LOXHD1: variants seen among roughly 807,000 people sequenced by gnomAD.
The protein encoded by LOXHD1 is lipoxygenase homology PLAT domains 1, also known as lipoxygenase homology domain-containing protein 1.
In LOXHD1, 205 loss-of-function variants were observed where a neutral mutation model predicts 248.2. That is an observed-to-expected ratio of 0.83 (90% confidence interval 0.74 to 0.93). The LOEUF (loss-of-function observed/expected upper bound fraction) is 0.93, where lower values mean the gene tolerates loss of function less well. Among genes scored for constraint, LOXHD1 ranks in the 40% least tolerant of loss-of-function variants. The probability of loss-of-function intolerance (pLI) is 0.00; values close to 1 mark genes in which losing one functional copy is unlikely to be tolerated. For synonymous variants in LOXHD1, 1,113 were observed against 1,162.8 expected (o/e 0.96, Z 0.87); for missense variants, 2,930 against 2,971.6 (o/e 0.99, Z 0.33).
At chr18:46,602,705 G>T (rs548415599) in intron 7 of LOXHD1, among the ~76,000 whole-genome samples, 3 of 151,686 alleles carry the variant, frequency 2.0e-5, no homozygotes, top group Non-Finnish European at 4.4e-5. Context: ...ATTTTCTTTT[G>T]TTCAGCATTT....
intron 5 of LOXHD1, among the ~76,000 whole-genome samples, chr18:46,617,866 T>C (rs2038611225): frequency 6.6e-6 from 1 of 152,130 alleles, no homozygotes; most frequent in African/African-American, 2.4e-5. Context: ...GCATGAAGCT[T>C]AGGAAGATAG....
intron 34 of LOXHD1, among the ~76,000 whole-genome samples, chr18:46,510,129 T>A (rs2034868794): frequency 6.6e-6 from 1 of 152,208 alleles, no homozygotes; most frequent in African/African-American, 2.4e-5. Context: ...TTACCTGTGG[T>A]CTGGAGAATA....
intron 5 of LOXHD1, among the ~76,000 whole-genome samples, chr18:46,612,550 C>T (rs1378056793): frequency 1.3e-5 from 2 of 152,026 alleles, no homozygotes; most frequent in Admixed American, 1.3e-4. Context: ...ATCTTTTATT[C>T]CATTTTTCTC....
chr18:46,522,695 G>A (rs35303291), intron 31 of LOXHD1, among the ~76,000 whole-genome samples: 21,752 of 152,192 alleles, frequency 0.14, 1,693 homozygotes, highest in South Asian at 0.23. Context: ...CAAAAATGCT[G>A]TTGGCAAAAG....
At chr18:46,623,144 C>A (rs150491937) in intron 4 of LOXHD1, among the ~76,000 whole-genome samples, 10 of 152,274 alleles carry the variant, frequency 6.6e-5, no homozygotes, top group African/African-American at 2.4e-4. Context: ...TATATGGAAC[C>A]TTTGTGCAAA....
At chr18:46,545,818 A>G (rs1221364661) in intron 22 of LOXHD1, among the ~76,000 whole-genome samples, 2 of 149,826 alleles carry the variant, frequency 1.3e-5, no homozygotes, top group African/African-American at 2.5e-5. Flanking sequence ...TTTAGTAGAG[A>G]CGGGGTTTCA....
At position 46,601,203 on chromosome 18, in the gene LOXHD1, G is replaced by C. The variant is rs2038331225; in HGVS notation, c.1134+14C>G. The stretch of plus-strand genomic sequence containing the variant: ...GTTGAATCAGGGAAGGCTGTCTCTG[G>C]GGGCATCCCTTACCTTCTCACAGAA... On this transcript the variant is annotated intron_variant, in intron 8 of 40. Transcript: ENST00000642948. 1 of 1,547,240 alleles carries C rather than the reference G, an allele frequency of 6.5e-7. No individual in the cohort carries two copies. The highest frequency in any genetic ancestry group is 2.5e-5 in the East Asian group (1 of 40,804).
At chr18:46,518,430 T>C (rs2035385440) in intron 33 of LOXHD1, among the ~76,000 whole-genome samples, 174 bp from the exon 34 acceptor site, 1 of 152,232 alleles carries the variant, frequency 6.6e-6, no homozygotes, top group Non-Finnish European at 1.5e-5. Flanking sequence ...CTTGTCACTC[T>C]CTTATATACC....
rs2034794238 is a variant in LOXHD1 at position 46,509,252 on chromosome 18, A to G, written c.5517+446T>C. Among the ~76,000 whole-genome samples the G allele has an allele frequency of 2.0e-5, 3 of 152,136 alleles. No individual in the cohort carries two copies. The South Asian group carries it at 6.2e-4, about 32-fold the overall frequency. ...GGTGCTGACGGCCAAGCTCAGACTC[A>G]GAGGCCCACAATGGAAAAAGAAGCA... On this transcript the variant is annotated intron_variant, in intron 35 of 40. Transcript: ENST00000642948.
At chr18:46,610,237 C>G (rs1006272160) in intron 6 of LOXHD1, among the ~76,000 whole-genome samples, 2 of 152,074 alleles carry the variant, frequency 1.3e-5, no homozygotes, top group Non-Finnish European at 2.9e-5. Context: ...AGGATGAGTT[C>G]ATGTCTTTTG....
intron 36 of LOXHD1, among the ~76,000 whole-genome samples, chr18:46,506,344 C>A (rs1260327978): frequency 6.6e-6 from 1 of 152,174 alleles, no homozygotes; most frequent in Admixed American, 6.5e-5. Flanking sequence ...TATAGGCTGG[C>A]TTTACAGTTT....
Position 46,483,696 on chromosome 18 carries a change from C to T in LOXHD1, c.6232G>A (p.Ala2078Thr). The T allele has an allele frequency of 1.3e-6, 2 of 1,551,716 alleles. No individual in the cohort carries two copies. Among genetic ancestry groups the T allele is most frequent in the Non-Finnish European group, 1.7e-6 (2 of 1,147,006 alleles). Residue 2078 changes from alanine (A) to threonine (T), a missense_variant, in exon 40 of 41, where the codon GCC becomes ACC. Ala to Thr is a moderately conservative substitution (Grantham distance 58, BLOSUM62 0). Coordinates refer to ENST00000642948, the MANE Select transcript of LOXHD1 (RefSeq NM_001384474.1). ...EFDSIYLGDIASLCVGHLARE... is the reference protein window; with the variant it reads ...EFDSIYLGDITSLCVGHLARE... ...GCAAGGTGGCCCACACAGAGGGAGGCAATGTCCCCCAAGTAGATGCTGTCA... is the reference window on the plus strand; with the variant it reads ...GCAAGGTGGCCCACACAGAGGGAGGTAATGTCCCCCAAGTAGATGCTGTCA...
rs1330912563 is a variant in LOXHD1 at position 46,547,080 on chromosome 18, G to GAT, written c.3351-24_3351-23dup. The GAT allele has an allele frequency of 3.9e-6, 6 of 1,551,672 alleles. No individual in the cohort carries two copies. The South Asian group carries it at 4.8e-5, about 12-fold the overall frequency. ...GTACCTGTGGGGGTGGATAGGGAAA[G>GAT]ATTGGAATGTCCTCTTAGAAAGGTC... On this transcript the variant is annotated intron_variant, in intron 21 of 40. Coordinates refer to ENST00000642948, the MANE Select transcript of LOXHD1 (RefSeq NM_001384474.1).
Position 46,522,192 on chromosome 18 carries a change from T to C in LOXHD1, c.4994A>G (p.Asp1665Gly), listed in dbSNP as rs2035611285. The part of the protein sequence containing the change: ...DDERSKRIWL[D>G]YPRGKRGFSR... ...GAAGCCCCTCTTCCCTCGGGGGTAG[T>C]CCAACCAGATGCGCTTACTACGTTC... The change falls in exon 32 of 41, where the codon GAC becomes GGC. Residue 1665 changes from aspartate to glycine, a missense_variant. By Grantham distance (94) the Asp-to-Gly change is moderately conservative. Coordinates refer to ENST00000642948, the MANE Select transcript of LOXHD1 (RefSeq NM_001384474.1). The C allele has an allele frequency of 1.7e-5, 27 of 1,551,692 alleles. No homozygotes were observed. Among genetic ancestry groups the C allele is most frequent in the Non-Finnish European group, 2.4e-5 (27 of 1,146,992 alleles).
chr18:46,622,968 C>T (rs1336633885), intron 4 of LOXHD1, among the ~76,000 whole-genome samples: 1 of 152,162 alleles, frequency 6.6e-6, no homozygotes, highest in African/African-American at 2.4e-5. Context: ...CACCCCTGTT[C>T]CTGATCAAGC....
chr18:46,576,549 C>A (rs1284132373), intron 14 of LOXHD1, among the ~76,000 whole-genome samples: 1 of 152,196 alleles, frequency 6.6e-6, no homozygotes, highest in African/African-American at 2.4e-5. Flanking sequence ...CTTCCAGGCC[C>A]AGGTGCACTT....
At chr18:46,485,753 G>A (rs952828160) in intron 38 of LOXHD1, among the ~76,000 whole-genome samples, 3 of 152,142 alleles carry the variant, frequency 2.0e-5, no homozygotes, top group Non-Finnish European at 1.5e-5. Context: ...TGTACCATAT[G>A]ACAGAATGTG....
chr18:46,629,273 T>C (rs528071553), intron 4 of LOXHD1, among the ~76,000 whole-genome samples: 1 of 152,176 alleles, frequency 6.6e-6, no homozygotes. Flanking sequence ...TCAGGATGTA[T>C]AGTCCCATGT....
intron 34 of LOXHD1, among the ~76,000 whole-genome samples, chr18:46,514,926 G>C (rs1307331365): frequency 6.6e-6 from 1 of 152,178 alleles, no homozygotes. Context: ...AAATCCCTCT[G>C]TTAGAGACTC....
Sources: gnomAD v4.1 joint callset for allele counts (sites outside exome capture counted in the v4.1 genomes callset) on GRCh38, gnomAD v4.1.1 for gene constraint, MANE v1.5 for transcripts, NCBI Gene and HGNC (gene_info 2026-07-23, HGNC 2026-07-21) for gene names.